Variants in EFCAB3 observed in about 807,000 individuals in gnomAD.
EFCAB3 encodes the protein EF-hand calcium binding domain 3.
In EFCAB3, 36 loss-of-function variants were observed where a neutral mutation model predicts 42.2. The ratio of observed to expected loss-of-function variants is 0.85; its 90% CI spans 0.65 to 1.13. The LOEUF is 1.13. Among genes scored for constraint, EFCAB3 ranks in the 50% most tolerant of loss-of-function variants. The pLI is 0.00. For missense variants in EFCAB3, 418 were observed against 505.1 expected (o/e 0.83, Z 1.65); for synonymous variants, 170 against 172.8 (o/e 0.98, Z 0.13).
intron 6 of EFCAB3, among the ~76,000 whole-genome samples, chr17:62,404,120 G>A (rs2070428427): frequency 6.6e-6 from 1 of 152,188 alleles, no homozygotes; most frequent in African/African-American, 2.4e-5. Context: ...GGTGGTGCAG[G>A]CCTGTAGTTA....
chr17:62,390,835 T>G (rs114151763), intron 3 of EFCAB3, among the ~76,000 whole-genome samples: 2,982 of 152,314 alleles, frequency 0.02, 97 homozygotes, highest in African/African-American at 0.067. Context: ...GACTTGAATG[T>G]GATATGAAGT....
intron 1 of EFCAB3, among the ~76,000 whole-genome samples, chr17:62,371,763 T>G (rs1313552184): frequency 6.6e-6 from 1 of 152,190 alleles, no homozygotes; most frequent in African/African-American, 2.4e-5. Context: ...GTTTGTTTAT[T>G]GAAATTTTAT....
At chr17:62,382,542 T>C (rs1423518312) in intron 1 of EFCAB3, among the ~76,000 whole-genome samples, 1 of 152,218 alleles carries the variant, frequency 6.6e-6, no homozygotes. Context: ...CTTCAGAATT[T>C]ATTCATCTTC....
At chr17:62,390,442 T>C (rs1326675583) in intron 3 of EFCAB3, among the ~76,000 whole-genome samples, 1 of 152,154 alleles carries the variant, frequency 6.6e-6, no homozygotes, top group Non-Finnish European at 1.5e-5. Flanking sequence ...GAATTCTATT[T>C]CTCTTCTTTC....
At chr17:62,402,274 C>G (rs2070410549) in intron 6 of EFCAB3, among the ~76,000 whole-genome samples, 1 of 152,040 alleles carries the variant, frequency 6.6e-6, no homozygotes, top group African/African-American at 2.4e-5. Context: ...AATTGAATAC[C>G]CTTTATTTCC....
intron 2 of EFCAB3, among the ~76,000 whole-genome samples, chr17:62,385,214 T>C (rs928793828): frequency 1.3e-5 from 2 of 151,862 alleles, no homozygotes; most frequent in Admixed American, 1.3e-4. Context: ...GAGGTAGAGG[T>C]GGGAGGAACA....
At chr17:62,396,424 G>C (rs944601575) in intron 6 of EFCAB3, among the ~76,000 whole-genome samples, 26 of 151,986 alleles carry the variant, frequency 1.7e-4, no homozygotes, top group Non-Finnish European at 2.8e-4. Context: ...ATAGTGGCAG[G>C]TGCCTGTAAT....
At chr17:62,384,423 C>T (rs1289077393) in intron 2 of EFCAB3, among the ~76,000 whole-genome samples, 1 of 151,992 alleles carries the variant, frequency 6.6e-6, no homozygotes. Flanking sequence ...ATCACTTGAG[C>T]CTAGGAATTT....
upstream of EFCAB3, among the ~76,000 whole-genome samples, chr17:62,376,300 C>G (rs181964737): frequency 6.6e-6 from 1 of 152,118 alleles, no homozygotes; most frequent in African/African-American, 2.4e-5. Flanking sequence ...TAGTGAAACC[C>G]CGTCTCTACA....
intron 6 of EFCAB3, among the ~76,000 whole-genome samples, chr17:62,398,803 G>A (rs142769921): frequency 7.9e-5 from 12 of 152,142 alleles, no homozygotes; most frequent in Admixed American, 2.6e-4. Context: ...ATAATTCAAC[G>A]TACGTTAAAT....
upstream of EFCAB3, chr17:62,378,133 T>C (rs571832239): frequency 1.5e-5 from 13 of 849,230 alleles, no homozygotes; most frequent in Admixed American, 5.9e-5. Context: ...CTATCCTCCA[T>C]CTACTTGTCC....
chr17:62,413,659 T>A, intron 8 of EFCAB3, 73 bp from the exon 9 acceptor site: 1 of 1,183,082 alleles, frequency 8.5e-7, no homozygotes, highest in Non-Finnish European at 1.2e-6. Flanking sequence ...AATATACTTA[T>A]TTATTATGTC....
At chr17:62,388,373 C>T (rs76708859) in intron 3 of EFCAB3, among the ~76,000 whole-genome samples, 6,072 of 152,208 alleles carry the variant, frequency 0.04, 401 homozygotes, top group African/African-American at 0.14. Flanking sequence ...GAATGACGAA[C>T]AGGAGTAAAT....
intron 3 of EFCAB3, 23 bp from the exon 4 acceptor site, chr17:62,391,799 A>G (rs779654977): frequency 1.3e-5 from 21 of 1,611,662 alleles, no homozygotes; most frequent in Non-Finnish European, 1.8e-5. Flanking sequence ...ACTGTCCTGA[A>G]TAACTTAATC....
At chr17:62,410,387 C>T (rs1265605569) in intron 8 of EFCAB3, among the ~76,000 whole-genome samples, 1 of 151,966 alleles carries the variant, frequency 6.6e-6, no homozygotes, top group East Asian at 1.9e-4. Context: ...ATGGTACTTT[C>T]AAGTTTCAGA....
At position 62,382,946 on chromosome 17, in the gene EFCAB3, T is replaced by C. The variant is rs2070215685; in HGVS notation, c.-17-17T>C. The C allele has an allele frequency of 1.3e-6, 2 of 1,599,762 alleles. No individual in the cohort carries two copies. Among genetic ancestry groups the C allele is most frequent in the Non-Finnish European group, 1.7e-6 (2 of 1,173,350 alleles). On this transcript the variant is annotated splice_polypyrimidine_tract_variant and intron_variant, in intron 1 of 9. Coordinates refer to ENST00000305286, the MANE Select transcript of EFCAB3 (RefSeq NM_173503.4). ...AATCTGTAAACTGATTTCTTAATTG[T>C]ATATTCTGAATTCCAGACAGAGTCA...
chr17:62,386,967 G>GT (rs1336659491), intron 2 of EFCAB3, among the ~76,000 whole-genome samples: 1 of 151,866 alleles, frequency 6.6e-6, no homozygotes, highest in Admixed American at 6.6e-5. Flanking sequence ...TTTTTTTTAT[G>GT]TTTTTGTAGA....
intron 3 of EFCAB3, among the ~76,000 whole-genome samples, chr17:62,387,692 G>T (rs766438531): frequency 6.6e-6 from 1 of 152,094 alleles, no homozygotes; most frequent in Non-Finnish European, 1.5e-5. Context: ...AATAACAAAA[G>T]AACAAATATA....
intron 6 of EFCAB3, among the ~76,000 whole-genome samples, chr17:62,403,976 C>T (rs534183958): frequency 1.3e-5 from 2 of 152,192 alleles, no homozygotes; most frequent in South Asian, 4.1e-4. Flanking sequence ...TCCCCTCTCA[C>T]ACCCTAGATT....
Sources: gnomAD v4.1 joint callset for allele counts (sites outside exome capture counted in the v4.1 genomes callset) on GRCh38, gnomAD v4.1.1 for gene constraint, MANE v1.5 for transcripts, NCBI Gene and HGNC (gene_info 2026-07-23, HGNC 2026-07-21) for gene names.